Variants in NXPH1 observed in about 807,000 individuals in gnomAD.
The protein encoded by NXPH1 is neurexophilin 1.
A neutral mutation model predicts 23.7 loss-of-function variants in NXPH1; 5 were observed. That is an observed-to-expected ratio of 0.21 (90% CI 0.11 to 0.44). NXPH1 has a LOEUF of 0.44. NXPH1 is among the 20% of genes least tolerant of loss of function. The pLI, the probability that NXPH1 is intolerant of heterozygous loss-of-function variation, is 0.99. For synonymous variants in NXPH1, 144 were observed against 122.2 expected (o/e 1.18, Z -1.18); for missense variants, 324 against 321.6 (o/e 1.01, Z -0.06).
chr7:8,641,792 G>A (rs532404541), intron 2 of NXPH1, among the ~76,000 whole-genome samples: 1 of 152,092 alleles, frequency 6.6e-6, no homozygotes, highest in South Asian at 2.1e-4. Flanking sequence ...CTATAATTTA[G>A]TTTTCATTCT....
intron 2 of NXPH1, among the ~76,000 whole-genome samples, chr7:8,532,214 A>G (rs1817958416): frequency 6.6e-6 from 1 of 152,188 alleles, no homozygotes; most frequent in Non-Finnish European, 1.5e-5. Flanking sequence ...TAAAAAAACC[A>G]TTTAATTCAA....
intron 2 of NXPH1, among the ~76,000 whole-genome samples, chr7:8,471,380 T>G (rs533512447): frequency 6.6e-6 from 1 of 152,262 alleles, no homozygotes; most frequent in South Asian, 2.1e-4. Context: ...ATAGAAGATA[T>G]ATTCTTATAA....
chr7:8,673,818 G>GA (rs1160486488), intron 2 of NXPH1, among the ~76,000 whole-genome samples: 3 of 151,698 alleles, frequency 2.0e-5, no homozygotes, highest in African/African-American at 4.8e-5. Context: ...AGTGCTACTT[G>GA]AAAAAAAACA....
chr7:8,690,795 G>A (rs1187544187), intron 2 of NXPH1, among the ~76,000 whole-genome samples: 3 of 152,168 alleles, frequency 2.0e-5, no homozygotes, highest in Admixed American at 6.5e-5. Flanking sequence ...CGCATTTACT[G>A]CCTCGTTTGT....
At chr7:8,482,742 A>G (rs1249572440) in intron 2 of NXPH1, among the ~76,000 whole-genome samples, 1 of 152,136 alleles carries the variant, frequency 6.6e-6, no homozygotes, top group African/African-American at 2.4e-5. Flanking sequence ...GTTAGCCCAC[A>G]TGTTGAATCC....
intron 2 of NXPH1, among the ~76,000 whole-genome samples, chr7:8,456,484 G>A (rs1036573932): frequency 1.3e-5 from 2 of 152,120 alleles, no homozygotes; most frequent in African/African-American, 4.8e-5. Flanking sequence ...CTCAGCATGT[G>A]ACAAAAATGA....
chr7:8,718,363 T>C (rs534150238), intron 2 of NXPH1, among the ~76,000 whole-genome samples: 14 of 152,300 alleles, frequency 9.2e-5, no homozygotes, highest in African/African-American at 3.4e-4. Context: ...AATTGGTTCT[T>C]GACAAACGTT....
intron 2 of NXPH1, among the ~76,000 whole-genome samples, chr7:8,679,049 G>A (rs996263838): frequency 2.1e-5 from 3 of 143,728 alleles, no homozygotes; most frequent in Admixed American, 1.4e-4. Flanking sequence ...CCGGGTTCAC[G>A]CCATTCTCCT....
intron 2 of NXPH1, among the ~76,000 whole-genome samples, chr7:8,467,006 C>T (rs1021537878): frequency 2.0e-5 from 3 of 152,122 alleles, no homozygotes; most frequent in Non-Finnish European, 4.4e-5. Context: ...ATAGCCTCCC[C>T]TCCTTCCAGG....
chr7:8,628,392 T>C (rs908660980), intron 2 of NXPH1, among the ~76,000 whole-genome samples: 1 of 148,368 alleles, frequency 6.7e-6, no homozygotes, highest in Non-Finnish European at 1.5e-5. Context: ...TTTTAGATAA[T>C]GTATGGTTAG....
intron 2 of NXPH1, among the ~76,000 whole-genome samples, chr7:8,732,073 C>T (rs1033883877): frequency 2.0e-5 from 3 of 152,232 alleles, no homozygotes; most frequent in Non-Finnish European, 4.4e-5. Context: ...GTCGGAAAAG[C>T]GCAATATTCG....
At chr7:8,659,378 G>A (rs1047275574) in intron 2 of NXPH1, among the ~76,000 whole-genome samples, 1 of 152,116 alleles carries the variant, frequency 6.6e-6, no homozygotes, top group Non-Finnish European at 1.5e-5. Flanking sequence ...GCTTCTTTGC[G>A]ATGTGTTCAA....
At chr7:8,730,601 G>T (rs1780135271) in intron 2 of NXPH1, among the ~76,000 whole-genome samples, 1 of 152,040 alleles carries the variant, frequency 6.6e-6, no homozygotes, top group Non-Finnish European at 1.5e-5. Context: ...CACTTATGAA[G>T]CTTAGTTTGG....
At chr7:8,642,509 CTG>C (rs1820332843) in intron 2 of NXPH1, among the ~76,000 whole-genome samples, 1 of 152,066 alleles carries the variant, frequency 6.6e-6, no homozygotes, top group Admixed American at 6.5e-5. Context: ...GCAGTTCCCT[CTG>C]AGATTTATTA....
At chr7:8,707,129 C>G (rs1475660125) in intron 2 of NXPH1, among the ~76,000 whole-genome samples, 3 of 152,102 alleles carry the variant, frequency 2.0e-5, no homozygotes, top group Admixed American at 2.0e-4. Context: ...AGCTAGAAAC[C>G]TGTATCCTTG....
At chr7:8,494,381 CTT>C (rs141436287) in intron 2 of NXPH1, among the ~76,000 whole-genome samples, 5 of 151,834 alleles carry the variant, frequency 3.3e-5, no homozygotes, top group African/African-American at 1.2e-4. Flanking sequence ...TAGGTAGTAT[CTT>C]TTTCTTTTTT....
intron 2 of NXPH1, among the ~76,000 whole-genome samples, chr7:8,461,852 G>GAAAAAAAAC (rs1816702704): frequency 2.3e-5 from 2 of 86,008 alleles, no homozygotes; most frequent in Non-Finnish European, 4.4e-5. Context: ...AAAAAAAAAA[G>GAAAAAAAAC]AATAAACACA....
intron 2 of NXPH1, among the ~76,000 whole-genome samples, chr7:8,514,098 C>T (rs1366355324): frequency 6.6e-6 from 1 of 152,112 alleles, no homozygotes; most frequent in Non-Finnish European, 1.5e-5. Flanking sequence ...ATCATCTCAT[C>T]TTTGCTAATT....
intron 2 of NXPH1, among the ~76,000 whole-genome samples, chr7:8,610,758 C>G (rs1356525096): frequency 6.6e-6 from 1 of 151,544 alleles, no homozygotes; most frequent in African/African-American, 2.4e-5. Flanking sequence ...CAACTTAGAA[C>G]AACTGAATTA....
Sources: allele counts gnomAD v4.1 joint callset (sites outside exome capture counted in the v4.1 genomes callset), GRCh38; gene constraint gnomAD v4.1.1; transcripts MANE v1.5; gene names NCBI Gene and HGNC (gene_info 2026-07-23, HGNC 2026-07-21).